LARGE1: variants seen among roughly 807,000 people sequenced by gnomAD.
LARGE1 encodes the protein xylosyl- and glucuronyltransferase LARGE1.
Under a neutral mutation model 87.6 loss-of-function variants are expected in LARGE1, and 43 were observed. The observed-to-expected ratio is 0.49, with a 90% CI of 0.38 to 0.63. The LOEUF (loss-of-function observed/expected upper bound fraction) is 0.63, where lower values mean the gene tolerates loss of function less well. LARGE1 is among the 30% of genes least tolerant of loss of function. LARGE1 has a pLI of 0.00. For missense variants in LARGE1, 802 were observed against 1,000.2 expected, an observed-to-expected ratio of 0.80 and a Z score of 2.67; for synonymous variants, 434 against 394.6, an observed-to-expected ratio of 1.10 and a Z score of -1.18.
chr22:33,908,217 G>A (rs753867397), intron 1 of LARGE1, among the ~76,000 whole-genome samples: 2 of 152,234 alleles, frequency 1.3e-5, no homozygotes, highest in Admixed American at 6.5e-5. Context: ...CCAGGCATAC[G>A]GTAAAACCTA....
intron 10 of LARGE1, among the ~76,000 whole-genome samples, chr22:33,334,949 C>A (rs754342600): frequency 2.3e-4 from 35 of 152,290 alleles, no homozygotes; most frequent in Non-Finnish European, 4.4e-4. Context: ...CCTCGCCGAT[C>A]CCCCCAGGGG....
chr22:33,464,861 T>TAC (rs1254225741), intron 6 of LARGE1, among the ~76,000 whole-genome samples: 2 of 147,062 alleles, frequency 1.4e-5, no homozygotes, highest in South Asian at 4.4e-4. Flanking sequence ...ACACACACAC[T>TAC]ACACACACAC....
Position 33,273,867 on chromosome 22 carries a change from T to C in LARGE1, c.*560A>G. ...GATAAGGAAACCCATCAACCCCACC[T>C]CCAGGACCCTCTGGTTACAATGTCC... is the stretch of plus-strand genomic sequence containing the variant. On this transcript the variant is annotated 3_prime_UTR_variant, in exon 15 of 15. Transcript: ENST00000397394. 2 of 384,186 alleles carry C rather than the reference T, an allele frequency of 5.2e-6. No homozygotes were observed. Among genetic ancestry groups the C allele is most frequent in the Middle Eastern group, 6.7e-4 (1 of 1,496 alleles). The allele number at this position is 384,186 out of a possible 1,614,324, so 23.8% of individuals were successfully genotyped here.
the LARGE1 span, among the ~76,000 whole-genome samples, chr22:33,100,708 A>G: frequency 6.6e-6 from 1 of 152,152 alleles, no homozygotes; most frequent in South Asian, 2.1e-4. Flanking sequence ...CTGCATTTCT[A>G]ATTAGCTCCC....
intron 11 of LARGE1, among the ~76,000 whole-genome samples, chr22:33,226,756 G>T (rs920019263): frequency 6.0e-5 from 9 of 150,742 alleles, no homozygotes; most frequent in African/African-American, 1.9e-4. Flanking sequence ...TTGAGACGGA[G>T]TCCCGCTCTT....
intron 11 of LARGE1, among the ~76,000 whole-genome samples, chr22:33,221,140 C>T (rs553618365): frequency 6.6e-6 from 1 of 150,636 alleles, no homozygotes; most frequent in South Asian, 2.1e-4. Flanking sequence ...GTCCTTCTAT[C>T]TTCAGCTTAA....
At chr22:33,817,140 G>A (rs1406825104) in intron 1 of LARGE1, among the ~76,000 whole-genome samples, 1 of 152,152 alleles carries the variant, frequency 6.6e-6, no homozygotes, top group Non-Finnish European at 1.5e-5. Flanking sequence ...ATACACTGGA[G>A]GCTCGGCAGT....
At chr22:33,327,548 G>A (rs1228284487) in intron 10 of LARGE1, among the ~76,000 whole-genome samples, 2 of 152,176 alleles carry the variant, frequency 1.3e-5, no homozygotes, top group East Asian at 1.9e-4. Flanking sequence ...CTAGAGTTAT[G>A]CCTAAAATCA....
intron 7 of LARGE1, among the ~76,000 whole-genome samples, chr22:33,398,669 C>T (rs1310334727): frequency 6.6e-6 from 1 of 152,156 alleles, no homozygotes; most frequent in African/African-American, 2.4e-5. Context: ...GCATGTGACC[C>T]ATTTTTTGGA....
intron 2 of LARGE1, among the ~76,000 whole-genome samples, chr22:33,666,049 A>G (rs2081259159): frequency 6.6e-6 from 1 of 152,216 alleles, no homozygotes; most frequent in Non-Finnish European, 1.5e-5. Flanking sequence ...GCATCTAAAT[A>G]TCTCTTTCCA....
At chr22:33,668,830 G>C (rs2081333710) in intron 2 of LARGE1, among the ~76,000 whole-genome samples, 1 of 152,170 alleles carries the variant, frequency 6.6e-6, no homozygotes. Flanking sequence ...TATACATTTA[G>C]CTGCTTCTTC....
chr22:33,872,363 TA>T (rs2064319642), intron 1 of LARGE1, among the ~76,000 whole-genome samples: 1 of 29,172 alleles, frequency 3.4e-5, no homozygotes, highest in African/African-American at 4.1e-4. Flanking sequence ...TGCTATCTAT[TA>T]TTATTATTAT....
At chr22:33,671,577 C>G (rs1161472514) in intron 2 of LARGE1, among the ~76,000 whole-genome samples, 1 of 152,166 alleles carries the variant, frequency 6.6e-6, no homozygotes, top group Admixed American at 6.5e-5. Context: ...AGAGCTAGAA[C>G]CGTTCATTCT....
chr22:33,129,946 C>T, the LARGE1 span, among the ~76,000 whole-genome samples: 1 of 152,158 alleles, frequency 6.6e-6, no homozygotes, highest in African/African-American at 2.4e-5. Flanking sequence ...ACAGCCGAAC[C>T]GTATCATCAT....
At chr22:33,373,493 C>G (rs1157671341) in intron 9 of LARGE1, among the ~76,000 whole-genome samples, 1 of 152,156 alleles carries the variant, frequency 6.6e-6, no homozygotes, top group Non-Finnish European at 1.5e-5. Context: ...TTTTCAGATT[C>G]ATGTCTCAGA....
intron 2 of LARGE1, among the ~76,000 whole-genome samples, chr22:33,756,137 T>C (rs550387308): frequency 1.7e-4 from 26 of 152,176 alleles, no homozygotes; most frequent in Non-Finnish European, 3.2e-4. Flanking sequence ...GAAAAAACAA[T>C]TGTGGAAGAC....
intron 6 of LARGE1, among the ~76,000 whole-genome samples, chr22:33,501,752 C>T (rs1029206456): frequency 1.3e-4 from 20 of 152,310 alleles, no homozygotes; most frequent in Middle Eastern, 3.4e-3. Flanking sequence ...TGATGCCGTC[C>T]TTCGAGCCCA....
chr22:33,491,368 A>G (rs958991184), intron 6 of LARGE1, among the ~76,000 whole-genome samples: 3 of 152,230 alleles, frequency 2.0e-5, no homozygotes, highest in Non-Finnish European at 4.4e-5. Context: ...ACAGCTAGAA[A>G]GAGGTTGGGG....
chr22:33,896,628 C>G (rs576915401), intron 1 of LARGE1, among the ~76,000 whole-genome samples: 3 of 152,110 alleles, frequency 2.0e-5, no homozygotes, highest in African/African-American at 4.8e-5. Context: ...TCAATGATGC[C>G]GTCACCTTGC....
Sources: gnomAD v4.1 joint callset for allele counts (sites outside exome capture counted in the v4.1 genomes callset) on GRCh38, gnomAD v4.1.1 for gene constraint, MANE v1.5 for transcripts, NCBI Gene and HGNC (gene_info 2026-07-23, HGNC 2026-07-21) for gene names.